Variants in NOX1 observed in about 807,000 individuals in gnomAD.
The protein encoded by NOX1 is NADPH oxidase 1.
Under a neutral mutation model 42.5 loss-of-function variants are expected in NOX1, and 34 were observed. That is an observed-to-expected ratio of 0.80 (90% CI 0.61 to 1.07). The LOEUF (loss-of-function observed/expected upper bound fraction) is 1.07. Among genes scored for constraint, NOX1 ranks in the 50% least tolerant of loss-of-function variants. The probability of loss-of-function intolerance (pLI) is 0.00; values close to 1 mark genes in which losing one functional copy is unlikely to be tolerated. For synonymous variants in NOX1, 143 were observed against 152.5 expected (o/e 0.94, Z 0.46); for missense variants, 408 against 427.0 (o/e 0.96, Z 0.39).
Position 100,849,794 on chromosome X carries a change from T to G in NOX1, c.1274A>C (p.Asp425Ala), listed in dbSNP as rs1214096169. ...KSIWYKFQCA[D>A]HNLKTKKIYF... ...TACCTTTTTTGTTTTGAGGTTGTGG[T>G]CTGCACACTGGAATTTGTACCAGAT... Residue 425 changes from aspartate (D) to alanine (A), a missense_variant, in exon 10 of 13, where the codon GAC becomes GCC. By Grantham distance (126) the Asp-to-Ala change is moderately radical. Transcript: ENST00000372966. 6 of 1,209,587 alleles carry G rather than the reference T, an allele frequency of 5.0e-6. No individual in the cohort carries two copies. Among genetic ancestry groups the G allele is most frequent in the Non-Finnish European group, 6.7e-6 (6 of 894,613 alleles).
Position 100,843,837 on chromosome X carries a change from A to G in NOX1, c.*115T>C. On this transcript the variant is annotated 3_prime_UTR_variant, in exon 13 of 13. Transcript: ENST00000372966. ...ATCAAAAAAAGAATACCAGGGAGTC[A>G]AGGCTTGAGAGGCACATTCTTATCC... The G allele has an allele frequency of 1.7e-6, 1 of 579,326 alleles. No individual in the cohort carries two copies. Among genetic ancestry groups the G allele is most frequent in the Non-Finnish European group, 2.6e-6 (1 of 377,436 alleles). 47.7% of individuals were successfully genotyped at this position (579,326 alleles called of 1,213,427 possible). A position where few individuals can be genotyped will look rare whatever the true frequency, so the allele number is the denominator to read the frequency against.
intron 7 of NOX1, 26 bp downstream of exon 7, chrX:100,862,145 T>A (rs1398860220): frequency 2.5e-6 from 3 of 1,203,318 alleles, no homozygotes; most frequent in Non-Finnish European, 3.4e-6. Flanking sequence ...CTAACAAGAG[T>A]CTGTCCTTGC....
chrX:100,856,403 T>A (rs945325942), intron 7 of NOX1: 10 of 492,005 alleles, frequency 2.0e-5, no homozygotes, highest in Non-Finnish European at 3.6e-5. Context: ...AAGAGAGACT[T>A]TAACGATGCT....
At chrX:100,861,028 C>T (rs112211359) in intron 7 of NOX1, among the ~76,000 whole-genome samples, 1,816 of 111,567 alleles carry the variant, frequency 0.016, 29 homozygotes, top group African/African-American at 0.057. Flanking sequence ...TGTGAGCCAC[C>T]GTGCCCGGCC....
At chrX:100,858,665 T>G (rs1317604349) in intron 7 of NOX1, among the ~76,000 whole-genome samples, 1 of 111,377 alleles carries the variant, frequency 9.0e-6, no homozygotes, top group Non-Finnish European at 1.9e-5. Context: ...TTGGCTGTAT[T>G]CCTAGGTATT....
rs1252086062 is a variant in NOX1, at chrX:100,849,922, A to G, written c.1146T>C (p.Asp382=). 1 of 1,193,558 alleles carries G rather than the reference A, an allele frequency of 8.4e-7. No homozygotes were observed. Among genetic ancestry groups the G allele is most frequent in the African/African-American group, 1.8e-5 (1 of 56,697 alleles). ...CCTCACTGGCTGTGCCAAAGGGACC[A>G]TCCACTTCAATCCTGGCAGAAGACA... is the stretch of plus-strand genomic sequence containing the variant. ...QYSPIPRIEV[D]GPFGTASEDV... Residue 382 remains aspartate, a synonymous_variant, in exon 10 of 13, where the codon GAT becomes GAC. Coordinates refer to ENST00000372966, the MANE Select transcript of NOX1 (RefSeq NM_007052.5).
chrX:100,849,236 C>T (rs755817655), intron 11 of NOX1, 44 bp downstream of exon 11: 8 of 1,178,707 alleles, frequency 6.8e-6, no homozygotes, highest in African/African-American at 5.3e-5. Context: ...GTCTGACATT[C>T]GTCTTATGTT....
intron 2 of NOX1, among the ~76,000 whole-genome samples, chrX:100,870,393 A>G (rs373301572): frequency 2.7e-5 from 3 of 111,398 alleles, no homozygotes; most frequent in East Asian, 2.8e-4. Flanking sequence ...TCTTTATTGC[A>G]TGTTTCCTTT....
At position 100,862,042 on chromosome X, in the gene NOX1, A is replaced by G. The variant is rs950058510; in HGVS notation, c.804+129T>C. 6 of 742,751 alleles carry G rather than the reference A, an allele frequency of 8.1e-6. No individual in the cohort carries two copies. The African/African-American group carries it at 1.1e-4, about 13-fold the overall frequency. 61.2% of individuals were successfully genotyped at this position (742,751 alleles called of 1,213,427 possible). A position where few individuals can be genotyped will look rare whatever the true frequency, so the allele number is the denominator to read the frequency against. The stretch of plus-strand genomic sequence containing the variant: ...TTTCTTAAAGGTAGGAACCCCATAG[A>G]TATCCTTCATAAGACCCAGCACAGG... On this transcript the variant is annotated intron_variant, in intron 7 of 12. Coordinates refer to ENST00000372966, the MANE Select transcript of NOX1 (RefSeq NM_007052.5).
At chrX:100,847,303 CTT>C (rs2085080412) in intron 12 of NOX1, among the ~76,000 whole-genome samples, 1 of 111,960 alleles carries the variant, frequency 8.9e-6, no homozygotes. Flanking sequence ...TGGCCGTAGA[CTT>C]TTCTTCCCTC....
Position 100,848,734 on chromosome X carries a change from G to C in NOX1, c.1464C>G (p.Asn488Lys), listed in dbSNP as rs1323686636. 2.5e-6 allele frequency: 3 copies of C among 1,210,428 alleles called. No homozygotes were observed. The highest frequency in any genetic ancestry group is 5.9e-5 in the East Asian group (2 of 33,766). Residue 488 changes from asparagine to lysine, a missense_variant, in exon 12 of 13, where the codon AAC becomes AAG. By Grantham distance (94) the Asn-to-Lys change is moderately conservative. Coordinates refer to ENST00000372966, the MANE Select transcript of NOX1 (RefSeq NM_007052.5). ...TCACGATGTCAGTGGCCTTGTCAAA[G>C]TTTAATGCTGCATGACCAACCTGGA... ...DSNIVGHAAL[N>K]FDKATDIVTG...
Position 100,870,718 on chromosome X carries a change from C to T in NOX1, c.141+1G>A, listed in dbSNP as rs1324093090. The T allele has an allele frequency of 4.5e-6, 5 of 1,105,053 alleles. No individual in the cohort carries two copies. The highest frequency in any genetic ancestry group is 5.0e-6 in the Non-Finnish European group (4 of 803,294). 91.1% of individuals were successfully genotyped at this position (1,105,053 alleles called of 1,213,427 possible). The stretch of plus-strand genomic sequence containing the variant: ...CTATCCGTGACAACCGTGATACTCA[C>T]CCCAAGGATTTTTCTTGTGTAGTAG... On this transcript the variant is annotated splice_donor_variant, in intron 2 of 12. Coordinates refer to ENST00000372966, the MANE Select transcript of NOX1 (RefSeq NM_007052.5). LOFTEE classifies it high-confidence loss of function.
chrX:100,851,376 G>T (rs756537238), intron 7 of NOX1, 51 bp from the exon 8 acceptor site: 1 of 684,121 alleles, frequency 1.5e-6, no homozygotes, highest in Non-Finnish European at 2.2e-6. Flanking sequence ...TTCTTGTTTA[G>T]GACTTATTTG....
In NOX1 at chrX:100,843,890, C is replaced by T; in HGVS notation, c.*62G>A. The T allele has an allele frequency of 9.7e-7, 1 of 1,035,806 alleles. No homozygotes were observed. The highest frequency in any genetic ancestry group is 1.3e-6 in the Non-Finnish European group (1 of 746,766). The allele number at this position is 1,035,806 out of a possible 1,213,427, so 85.4% of individuals were successfully genotyped here. Reference sequence around the variant, plus strand: ...AAGTGACTGCTCAAACCTGACGAGACCAAGTAAATTACTGAAGATACAAAG... The same window carrying T: ...AAGTGACTGCTCAAACCTGACGAGATCAAGTAAATTACTGAAGATACAAAG... On this transcript the variant is annotated 3_prime_UTR_variant, in exon 13 of 13. Transcript: ENST00000372966.
intron 7 of NOX1, among the ~76,000 whole-genome samples, chrX:100,852,934 G>A (rs560993796): frequency 6.2e-5 from 7 of 112,166 alleles, no homozygotes; most frequent in African/African-American, 2.3e-4. Context: ...CATTAACTGG[G>A]ATTCAGGGAA....
intron 10 of NOX1, 90 bp downstream of exon 10, chrX:100,849,682 G>T (rs186509642): frequency 1.5e-5 from 13 of 888,090 alleles, no homozygotes; most frequent in African/African-American, 4.0e-5. Context: ...GGGATAGGTT[G>T]CTCCCTTATC....
Position 100,843,735 on chromosome X carries a change from G to T in NOX1, c.*217C>A. 2.5e-6 allele frequency: 1 copy of T among 405,697 alleles called. No individual in the cohort carries two copies. The highest frequency in any genetic ancestry group is 4.2e-6 in the Non-Finnish European group (1 of 238,015). The allele number at this position is 405,697 out of a possible 1,213,427, so 33.4% of individuals were successfully genotyped here. A position where few individuals can be genotyped will look rare whatever the true frequency, so the allele number is the denominator to read the frequency against. ...TTATTTTTCTGAGAAAGGATCCATG[G>T]GCTTTAAGAACTTCAGAACTTTAAG... On this transcript the variant is annotated 3_prime_UTR_variant, in exon 13 of 13. Coordinates refer to ENST00000372966, the MANE Select transcript of NOX1 (RefSeq NM_007052.5).
rs747222216 is a variant in NOX1 at position 100,862,543 on chromosome X, C to A, written c.520G>T (p.Ala174Ser). 1.7e-6 allele frequency: 2 copies of A among 1,210,651 alleles called. No individual in the cohort carries two copies. Among genetic ancestry groups the A allele is most frequent in the South Asian group, 3.5e-5 (2 of 56,675 alleles). ...TVEYVTFTSI[A>S]GLTGVIMTIA... ...GTCATGATCACTCCAGTGAGACCAG[C>A]AATGCTGGTGAATGTCACATACTCC... Residue 174 changes from alanine to serine, a missense_variant, in exon 6 of 13, where the codon GCT (alanine) becomes TCT (serine). Transcript: ENST00000372966.
At chrX:100,846,474 C>G (rs1025278506) in intron 12 of NOX1, among the ~76,000 whole-genome samples, 1 of 111,661 alleles carries the variant, frequency 9.0e-6, no homozygotes, top group Admixed American at 9.5e-5. Context: ...TGCTACTCTT[C>G]CAACACTATT....
Sources: allele counts gnomAD v4.1 joint callset (sites outside exome capture counted in the v4.1 genomes callset), GRCh38; gene constraint gnomAD v4.1.1; transcripts MANE v1.5; gene names NCBI Gene and HGNC (gene_info 2026-07-23, HGNC 2026-07-21).